The following LRRC7 variants were observed in gnomAD, a reference collection of about 807,000 sequenced individuals.
LRRC7 encodes the protein leucine rich repeat containing 7.
A neutral mutation model predicts 175.7 loss-of-function variants in LRRC7; 23 were observed. That is an observed-to-expected ratio of 0.13 (90% CI 0.09 to 0.19). The LOEUF (loss-of-function observed/expected upper bound fraction) is 0.19. LRRC7 is among the 10% of genes least tolerant of loss of function. LRRC7 has a pLI of 1.00. For missense variants in LRRC7, 1,354 were observed against 1,904.7 expected (o/e 0.71, Z 5.38); for synonymous variants, 685 against 680.9 (o/e 1.01, Z -0.09).
chr1:70,036,450 CTGA>C lies in LRRC7; in HGVS notation c.2118_2120del (p.Asp706del). The C allele has an allele frequency of 6.2e-7, 1 of 1,608,488 alleles. No homozygotes were observed. The highest frequency in any genetic ancestry group is 8.5e-7 in the Non-Finnish European group (1 of 1,178,260). ...TTTCCCCTTTAAATTTCAGAATCAACTGATGAGTCTGAAGTTGACAAAACTCAC... is the reference window on the plus strand; with the variant it reads ...TTTCCCCTTTAAATTTCAGAATCAACTGAGTCTGAAGTTGACAAAACTCAC... On this transcript the variant is annotated inframe_deletion, in exon 20 of 27. Coordinates refer to ENST00000651989, the MANE Select transcript of LRRC7 (RefSeq NM_001370785.2).
intron 2 of LRRC7, among the ~76,000 whole-genome samples, chr1:69,707,727 C>G (rs542114990): frequency 6.6e-6 from 1 of 152,266 alleles, no homozygotes; most frequent in South Asian, 2.1e-4. Context: ...AGAAAGTCAT[C>G]TCTAGACTAG....
intron 1 of LRRC7, among the ~76,000 whole-genome samples, chr1:69,619,554 C>T (rs1470613654): frequency 6.6e-6 from 1 of 152,104 alleles, no homozygotes; most frequent in Non-Finnish European, 1.5e-5. Flanking sequence ...TGTCTTTTTT[C>T]CCCTCGGAAA....
intron 7 of LRRC7, 164 bp downstream of exon 7, chr1:69,838,447 A>C (rs1681360923): frequency 1.7e-6 from 1 of 575,630 alleles, no homozygotes; most frequent in Non-Finnish European, 3.2e-6. Flanking sequence ...TTCATATTAC[A>C]TGAGAATGTA....
At chr1:69,807,619 T>C (rs1570033555) in intron 4 of LRRC7, among the ~76,000 whole-genome samples, 1 of 152,106 alleles carries the variant, frequency 6.6e-6, no homozygotes, top group East Asian at 1.9e-4. Context: ...ATGTTGAATA[T>C]TGCCCCCGAC....
intron 1 of LRRC7, among the ~76,000 whole-genome samples, chr1:69,667,715 T>C (rs1268483945): frequency 6.6e-6 from 1 of 152,238 alleles, no homozygotes; most frequent in East Asian, 1.9e-4. Context: ...AGTGTGTTTC[T>C]TGAAAGCAAC....
At chr1:69,568,796 G>A (rs1029236639) in intron 1 of LRRC7, among the ~76,000 whole-genome samples, 155 bp downstream of exon 1, 3 of 152,158 alleles carry the variant, frequency 2.0e-5, no homozygotes, top group Admixed American at 6.5e-5. Flanking sequence ...CTTGTGCGGT[G>A]GCCGAGGGAG....
Position 70,130,854 on chromosome 1 carries a change from A to G in LRRC7, c.*8967A>G, listed in dbSNP as rs1329918263. ...GTGTAGTTGAGAGAAAGGGGTCTCC[A>G]CCTACCTATTTAGCTCTAAATTTTA... On this transcript the variant is annotated 3_prime_UTR_variant, in exon 27 of 27. Coordinates refer to ENST00000651989, the MANE Select transcript of LRRC7 (RefSeq NM_001370785.2). 1.3e-5 allele frequency among the ~76,000 whole-genome samples: 2 copies of G among 152,130 alleles called. No homozygotes were observed. The highest frequency in any genetic ancestry group is 2.9e-5 in the Non-Finnish European group (2 of 68,014).
rs113820170 is a variant in LRRC7, at chr1:69,835,232, T to C, written c.590+363T>C. 1.0e-3 allele frequency among the ~76,000 whole-genome samples: 152 copies of C among 151,978 alleles called. 1 individual carries two copies. The highest frequency in any genetic ancestry group is 3.6e-3 in the African/African-American group (149 of 41,548). ...ATATCATAAATGGATACAATACATATGATGACCTAAATACTTTTAACATAA... is the reference window on the plus strand; with the variant it reads ...ATATCATAAATGGATACAATACATACGATGACCTAAATACTTTTAACATAA... On this transcript the variant is annotated intron_variant, in intron 6 of 26. Coordinates refer to ENST00000651989, the MANE Select transcript of LRRC7 (RefSeq NM_001370785.2).
intron 4 of LRRC7, among the ~76,000 whole-genome samples, chr1:69,821,212 C>G (rs1679254713): frequency 6.6e-6 from 1 of 151,976 alleles, no homozygotes; most frequent in South Asian, 2.1e-4. Context: ...TTTCTATAAT[C>G]CTTATTTTAT....
At chr1:69,919,998 T>A in intron 7 of LRRC7, 1 of 491,840 alleles carries the variant, frequency 2.0e-6, no homozygotes. Context: ...CTGGGGGCCC[T>A]GGGGTTCCCC....
At chr1:69,792,018 A>G (rs780537288) in intron 3 of LRRC7, 25 bp from the exon 4 acceptor site, 1 of 1,386,314 alleles carries the variant, frequency 7.2e-7, no homozygotes, top group Admixed American at 1.8e-5. Flanking sequence ...ATTGAGATCT[A>G]ATTAATGATT....
intron 7 of LRRC7, chr1:69,919,287 C>G (rs1646809995): frequency 1.9e-6 from 1 of 522,414 alleles, no homozygotes; most frequent in Admixed American, 3.2e-5. Context: ...TTGCTAGATA[C>G]ATTAGCAAAT....
Position 69,568,646 on chromosome 1 carries a change from G to A in LRRC7, c.2+5G>A. The A allele has an allele frequency of 7.4e-7, 1 of 1,349,408 alleles. No homozygotes were observed. The highest frequency in any genetic ancestry group is 9.9e-7 in the Non-Finnish European group (1 of 1,014,894). 83.6% of individuals were successfully genotyped at this position (1,349,408 alleles called of 1,614,324 possible). A position where few individuals can be genotyped will look rare whatever the true frequency, so the allele number is the denominator to read the frequency against. On this transcript the variant is annotated splice_donor_5th_base_variant and intron_variant, in intron 1 of 26. Transcript: ENST00000651989. ...GCAGTTTCTCCCGCCGGCGATGTGAGTAAGGCACGCTCGCTCCGTGGCGGA... is the reference window on the plus strand; with the variant it reads ...GCAGTTTCTCCCGCCGGCGATGTGAATAAGGCACGCTCGCTCCGTGGCGGA...
intron 7 of LRRC7, among the ~76,000 whole-genome samples, chr1:69,867,405 T>C (rs1685061492): frequency 1.3e-5 from 2 of 152,160 alleles, no homozygotes; most frequent in South Asian, 4.1e-4. Context: ...ATACATAAGG[T>C]ACCTAGTACA....
At chr1:69,684,677 C>T (rs75719061) in intron 2 of LRRC7, among the ~76,000 whole-genome samples, 8,473 of 152,106 alleles carry the variant, frequency 0.056, 252 homozygotes, top group South Asian at 0.1. Context: ...TTTTTATCTC[C>T]TATACATCCC....
chr1:70,014,875 C>T (rs1186121365), intron 13 of LRRC7, among the ~76,000 whole-genome samples: 2 of 151,984 alleles, frequency 1.3e-5, no homozygotes, highest in Non-Finnish European at 2.9e-5. Flanking sequence ...TCAAGGGTAT[C>T]TTGCCCTTTT....
At position 70,122,420 on chromosome 1, in the gene LRRC7, A is replaced by C. The variant is rs1666259271; in HGVS notation, c.*533A>C. ...ATAGAGAAAAAATATATCTTAAAAT[A>C]AGACTTTACTATATTGAATCTTTTT... On this transcript the variant is annotated 3_prime_UTR_variant, in exon 27 of 27. Coordinates refer to ENST00000651989, the MANE Select transcript of LRRC7 (RefSeq NM_001370785.2). The C allele has an allele frequency of 6.6e-6, 1 of 152,228 alleles. No homozygotes were observed. The highest frequency in any genetic ancestry group is 1.5e-5 in the Non-Finnish European group (1 of 68,022). The allele number at this position is 152,228 out of a possible 1,614,324, so 9.4% of individuals were successfully genotyped here.
chr1:69,628,027 G>T (rs1397037799), intron 1 of LRRC7, among the ~76,000 whole-genome samples: 1 of 151,940 alleles, frequency 6.6e-6, no homozygotes, highest in African/African-American at 2.4e-5. Flanking sequence ...TCTCAAAATT[G>T]TTTCCTTAAT....
Position 70,038,645 on chromosome 1 carries a change from A to G in LRRC7, c.2821A>G (p.Arg941Gly). ...PWEYHDSNPN[R>G]SLSNVFSQIH... ...GGAGTATCATGATTCCAATCCCAACAGGAGTCTTAGTAATGTCTTTTCTCA... is the reference window on the plus strand; with the variant it reads ...GGAGTATCATGATTCCAATCCCAACGGGAGTCTTAGTAATGTCTTTTCTCA... The change falls in exon 21 of 27, where the codon AGG becomes GGG. Residue 941 changes from arginine (R) to glycine (G), a missense_variant. Physicochemically the swap from Arg to Gly is moderately radical, Grantham distance 125. Around this residue, in one of 4 missense-constraint regions of LRRC7, gnomAD observed 1,032 missense variants for 1,227.2 expected, o/e 0.84. Transcript: ENST00000651989. 1 of 1,614,112 alleles carries G rather than the reference A, an allele frequency of 6.2e-7. No homozygotes were observed. The highest frequency in any genetic ancestry group is 8.5e-7 in the Non-Finnish European group (1 of 1,179,986).
Sources: allele counts gnomAD v4.1 joint callset (sites outside exome capture counted in the v4.1 genomes callset), GRCh38; gene constraint gnomAD v4.1.1; regional missense constraint gnomAD v4.1.1; transcripts MANE v1.5; gene names NCBI Gene and HGNC (gene_info 2026-07-23, HGNC 2026-07-21).